GPD2: variants seen among roughly 807,000 people sequenced by gnomAD.
GPD2 encodes glycerol-3-phosphate dehydrogenase 2.
In GPD2, 54 loss-of-function variants were observed where a neutral mutation model predicts 82.4. The observed-to-expected ratio is 0.66, with a 90% confidence interval of 0.53 to 0.82. The LOEUF is 0.82. Among genes scored for constraint, GPD2 ranks in the 40% least tolerant of loss-of-function variants. The probability of loss-of-function intolerance (pLI) is 0.00; values close to 1 mark genes in which losing one functional copy is unlikely to be tolerated. For synonymous variants in GPD2, 288 were observed against 306.1 expected, an observed-to-expected ratio of 0.94 and a Z score of 0.62; for missense variants, 748 against 896.2, an observed-to-expected ratio of 0.83 and a Z score of 2.11.
intron 1 of GPD2, among the ~76,000 whole-genome samples, chr2:156,458,657 A>G (rs1159430646): frequency 6.6e-6 from 1 of 152,228 alleles, no homozygotes; most frequent in East Asian, 1.9e-4. Context: ...GTAGTTCATT[A>G]AAGATGAGAA....
At chr2:156,453,186 G>T (rs1207367777) in intron 1 of GPD2, among the ~76,000 whole-genome samples, 2 of 152,176 alleles carry the variant, frequency 1.3e-5, no homozygotes, top group South Asian at 4.1e-4. Flanking sequence ...TGTGAAACAG[G>T]CAGATAGTTG....
At chr2:156,458,633 A>G (rs918587338) in intron 1 of GPD2, among the ~76,000 whole-genome samples, 1 of 152,178 alleles carries the variant, frequency 6.6e-6, no homozygotes, top group African/African-American at 2.4e-5. Flanking sequence ...CTTTTTCTAT[A>G]TGGGTCTTTT....
chr2:156,494,315 T>C (rs1684292763), intron 2 of GPD2, among the ~76,000 whole-genome samples: 1 of 152,194 alleles, frequency 6.6e-6, no homozygotes, highest in Non-Finnish European at 1.5e-5. Context: ...TTTCAGATTA[T>C]TATTCCATTC....
chr2:156,569,597 A>T, intron 11 of GPD2, 59 bp downstream of exon 11: 14 of 1,261,102 alleles, frequency 1.1e-5, no homozygotes, highest in African/African-American at 1.5e-5. Flanking sequence ...GCTGCCAGTG[A>T]CAGAACTGGC....
chr2:156,535,924 A>G (rs1686060116), intron 6 of GPD2, among the ~76,000 whole-genome samples: 1 of 152,236 alleles, frequency 6.6e-6, no homozygotes, highest in Non-Finnish European at 1.5e-5. Flanking sequence ...TATAGATAGA[A>G]CAAAGGCATG....
Position 156,495,466 on chromosome 2 carries a change from T to C in GPD2, c.103-578T>C, listed in dbSNP as rs542274737. 5 of 236,940 alleles carry C rather than the reference T, an allele frequency of 2.1e-5. No homozygotes were observed. In the South Asian group the frequency reaches 2.8e-4, roughly 13 times the overall value. The allele number at this position is 236,940 out of a possible 1,614,324, so 14.7% of individuals were successfully genotyped here. ...TTTGACTAAATTTTTCTGAAAAATA[T>C]AATTCTCATTAAACATAGCTCATTA... On this transcript the variant is annotated intron_variant, in intron 2 of 16. Transcript: ENST00000438166.
In GPD2 at chr2:156,568,883, C is replaced by G. The variant is rs762874223; in HGVS notation, c.1224C>G (p.Pro408=). The G allele has an allele frequency of 4.9e-5, 79 of 1,612,224 alleles. No individual in the cohort carries two copies. The highest frequency in any genetic ancestry group is 1.7e-5 in the Admixed American group (1 of 59,944). ...GAATCCGTCCTCTTGTTACAGACCC[C>G]AAATCTGCAGATACTCAGTCTATCT... The part of the protein sequence containing the change: ...WSGIRPLVTD[P]KSADTQSISR... Residue 408 remains proline, a synonymous_variant, in exon 10 of 17, where the codon CCC becomes CCG. Transcript: ENST00000438166.
Position 156,496,182 on chromosome 2 carries a change from G to A in GPD2, c.241G>A (p.Gly81Arg), listed in dbSNP as rs746976112. The change falls in exon 3 of 17, where the codon GGA becomes AGA. Residue 81 changes from glycine to arginine, a missense_variant. Gly to Arg is a moderately radical substitution (Grantham distance 125). Transcript: ENST00000438166. The part of the protein sequence containing the change: ...DILVIGGGAT[G>R]SGCALDAVTR... ...CCTTGTTATTGGAGGAGGAGCAACA[G>A]GAAGTGGCTGTGCGCTAGATGCTGT... 2 of 1,613,058 alleles carry A rather than the reference G, an allele frequency of 1.2e-6. No individual in the cohort carries two copies. The highest frequency in any genetic ancestry group is 1.7e-6 in the Non-Finnish European group (2 of 1,179,132).
At chr2:156,544,135 G>A (rs888568820) in intron 6 of GPD2, among the ~76,000 whole-genome samples, 1 of 152,144 alleles carries the variant, frequency 6.6e-6, no homozygotes, top group African/African-American at 2.4e-5. Flanking sequence ...TGGGTGGGCT[G>A]GGTGATTTTC....
intron 1 of GPD2, among the ~76,000 whole-genome samples, chr2:156,470,678 A>G (rs933334436): frequency 6.6e-6 from 1 of 152,108 alleles, no homozygotes; most frequent in Non-Finnish European, 1.5e-5. Context: ...TATGAATGGG[A>G]GGAGGTAGAA....
chr2:156,460,202 C>CT (rs1682941817), intron 1 of GPD2, among the ~76,000 whole-genome samples: 1 of 152,176 alleles, frequency 6.6e-6, no homozygotes, highest in African/African-American at 2.4e-5. Flanking sequence ...ATGTACTCTG[C>CT]TGAATTCCAT....
the GPD2 span, among the ~76,000 whole-genome samples, chr2:156,426,285 G>A: frequency 6.6e-6 from 1 of 152,334 alleles, no homozygotes; most frequent in East Asian, 1.9e-4. Context: ...TGGCCAGGGA[G>A]GCGGCAGAAA....
chr2:156,496,035 T>C lies in GPD2; in HGVS notation c.103-9T>C. 1 of 1,607,904 alleles carries C rather than the reference T, an allele frequency of 6.2e-7. No homozygotes were observed. Among genetic ancestry groups the C allele is most frequent in the Non-Finnish European group, 8.5e-7 (1 of 1,175,238 alleles). On this transcript the variant is annotated splice_polypyrimidine_tract_variant and intron_variant, in intron 2 of 16. Coordinates refer to ENST00000438166, the MANE Select transcript of GPD2 (RefSeq NM_000408.5). ...ATGGACAACTGAAAGTGATCTGCTTTTACATCAGATGAACCTGGCCTATGT... is the reference window on the plus strand; with the variant it reads ...ATGGACAACTGAAAGTGATCTGCTTCTACATCAGATGAACCTGGCCTATGT...
At chr2:156,468,900 T>A (rs1377837596) in intron 1 of GPD2, among the ~76,000 whole-genome samples, 1 of 152,146 alleles carries the variant, frequency 6.6e-6, no homozygotes, top group East Asian at 1.9e-4. Context: ...GTCACCCTGT[T>A]CTATCAACTT....
chr2:156,419,216 C>T, the GPD2 span, among the ~76,000 whole-genome samples: 3 of 151,928 alleles, frequency 2.0e-5, no homozygotes, highest in African/African-American at 4.8e-5. Flanking sequence ...TGTGCCACCA[C>T]GGCCGGCTAA....
the GPD2 span, among the ~76,000 whole-genome samples, chr2:156,418,503 C>A: frequency 3.9e-5 from 6 of 151,926 alleles, no homozygotes; most frequent in African/African-American, 1.5e-4. Flanking sequence ...AATAATATAC[C>A]ATGAATTATG....
intron 3 of GPD2, among the ~76,000 whole-genome samples, chr2:156,496,671 A>G (rs200341551): frequency 1.8e-5 from 1 of 54,714 alleles, no homozygotes; most frequent in African/African-American, 3.8e-5. Context: ...AAAGAAAACT[A>G]TATTTTATGA....
intron 2 of GPD2, among the ~76,000 whole-genome samples, chr2:156,490,685 A>C (rs958473694): frequency 6.6e-6 from 1 of 152,152 alleles, no homozygotes; most frequent in Non-Finnish European, 1.5e-5. Context: ...TTCAGTTTTC[A>C]GCTCTACCAT....
intron 2 of GPD2, chr2:156,495,588 G>T: frequency 2.2e-6 from 1 of 461,336 alleles, no homozygotes; most frequent in Non-Finnish European, 4.5e-6. Flanking sequence ...GAGAACTGAG[G>T]AATGAAGAAT....
Sources: gnomAD v4.1 joint callset for allele counts (sites outside exome capture counted in the v4.1 genomes callset) on GRCh38, gnomAD v4.1.1 for gene constraint, MANE v1.5 for transcripts, NCBI Gene and HGNC (gene_info 2026-07-23, HGNC 2026-07-21) for gene names.